The following TMEM178B variants were observed in gnomAD, a reference collection of about 807,000 sequenced individuals.
TMEM178B encodes the protein transmembrane protein 178B.
A neutral mutation model predicts 31.0 loss-of-function variants in TMEM178B; 5 were observed. That is an observed-to-expected ratio of 0.16 (90% CI 0.08 to 0.34). The LOEUF (loss-of-function observed/expected upper bound fraction) is 0.34. Ranked by LOEUF, TMEM178B falls within the 10% of genes least tolerant of loss-of-function variation. TMEM178B has a pLI of 1.00. For synonymous variants in TMEM178B, 164 were observed against 164.0 expected (o/e 1.00, Z 0.00); for missense variants, 275 against 400.3 (o/e 0.69, Z 2.67).
Position 141,474,181 on chromosome 7 carries a change from T to G in TMEM178B, c.*3395T>G, listed in dbSNP as rs924097542. Reference sequence around the variant, plus strand: ...TTGCAACTTTTATTTCCTTCCCTACTCTACTACCTTGAGATTCAGGAAAGT... The same window carrying G: ...TTGCAACTTTTATTTCCTTCCCTACGCTACTACCTTGAGATTCAGGAAAGT... On this transcript the variant is annotated 3_prime_UTR_variant, in exon 4 of 4. Coordinates refer to ENST00000565468, the MANE Select transcript of TMEM178B (RefSeq NM_001195278.2). 6.6e-6 allele frequency: 1 copy of G among 152,190 alleles called. No homozygotes were observed. Among genetic ancestry groups the G allele is most frequent in the Non-Finnish European group, 1.5e-5 (1 of 68,040 alleles). The allele number at this position is 152,190 out of a possible 1,614,324, so 9.4% of individuals were successfully genotyped here. A position where few individuals can be genotyped will look rare whatever the true frequency, so the allele number is the denominator to read the frequency against.
chr7:141,437,807 G>T lies in TMEM178B; in HGVS notation c.634+62G>T. Reference sequence around the variant, plus strand: ...CAGGGTCCTGTTTACCACAATTTGGGGAGAATGGCCAGAGGGCACAGCAGA... The same window carrying T: ...CAGGGTCCTGTTTACCACAATTTGGTGAGAATGGCCAGAGGGCACAGCAGA... On this transcript the variant is annotated intron_variant, in intron 3 of 3. Transcript: ENST00000565468. 1 of 1,530,934 alleles carries T rather than the reference G, an allele frequency of 6.5e-7. No homozygotes were observed. The highest frequency in any genetic ancestry group is 8.7e-7 in the Non-Finnish European group (1 of 1,143,230). The allele number at this position is 1,530,934 out of a possible 1,614,324, so 94.8% of individuals were successfully genotyped here. A position where few individuals can be genotyped will look rare whatever the true frequency, so the allele number is the denominator to read the frequency against.
intron 1 of TMEM178B, among the ~76,000 whole-genome samples, chr7:141,092,878 A>G (rs532405330): frequency 2.0e-5 from 3 of 152,282 alleles, no homozygotes; most frequent in East Asian, 1.9e-4. Context: ...GGAACTAGCT[A>G]TGGGGCTCTC....
intron 1 of TMEM178B, among the ~76,000 whole-genome samples, chr7:141,106,643 A>G (rs1040426748): frequency 6.6e-6 from 1 of 152,208 alleles, no homozygotes. Flanking sequence ...TAATTTGATA[A>G]ACACATTTGT....
At chr7:141,353,992 A>G (rs188491507) in intron 2 of TMEM178B, among the ~76,000 whole-genome samples, 2 of 152,340 alleles carry the variant, frequency 1.3e-5, no homozygotes, top group Non-Finnish European at 2.9e-5. Flanking sequence ...CTCATTAGCT[A>G]AACAAGAATA....
At chr7:141,100,020 CAT>C (rs1795028007) in intron 1 of TMEM178B, among the ~76,000 whole-genome samples, 1 of 151,982 alleles carries the variant, frequency 6.6e-6, no homozygotes, top group Non-Finnish European at 1.5e-5. Flanking sequence ...GGGGTTTCAC[CAT>C]GTTAGCCAGG....
intron 2 of TMEM178B, among the ~76,000 whole-genome samples, chr7:141,341,759 A>C (rs1188604595): frequency 6.6e-6 from 1 of 152,172 alleles, no homozygotes; most frequent in African/African-American, 2.4e-5. Flanking sequence ...AACTAGAAAA[A>C]AAAAAATTAT....
Position 141,171,990 on chromosome 7 carries a change from G to A in TMEM178B, c.383-40601G>A, listed in dbSNP as rs939308657. On this transcript the variant is annotated intron_variant, in intron 1 of 3. Transcript: ENST00000565468. This position sits in a 1 kb window ranked among gnomAD's most constrained non-coding sequence, Gnocchi z 4.3. ...TGCTGTGATTGCGACCATTTATTGT[G>A]TACTTACTATGAGACAGGCACCGTA... Among the ~76,000 whole-genome samples, 16 of 152,160 alleles carry A rather than the reference G, an allele frequency of 1.1e-4. No homozygotes were observed. Among genetic ancestry groups the A allele is most frequent in the Non-Finnish European group, 2.4e-4 (16 of 68,032 alleles).
intron 2 of TMEM178B, among the ~76,000 whole-genome samples, chr7:141,243,086 T>A (rs182002302): frequency 2.2e-4 from 33 of 152,306 alleles, no homozygotes; most frequent in African/African-American, 7.7e-4. Flanking sequence ...ACAGTTTAGA[T>A]TTTTCATTCA....
intron 1 of TMEM178B, among the ~76,000 whole-genome samples, chr7:141,112,099 G>A: frequency 6.6e-6 from 1 of 152,136 alleles, no homozygotes; most frequent in Admixed American, 6.5e-5. Context: ...ATATTAGCCT[G>A]TTCGCTGGTA....
chr7:141,211,207 G>A (rs1272713128), intron 1 of TMEM178B, among the ~76,000 whole-genome samples: 1 of 152,130 alleles, frequency 6.6e-6, no homozygotes, highest in African/African-American at 2.4e-5. Flanking sequence ...ATGCTTGTGG[G>A]CTAAAGGAAA....
chr7:141,185,722 T>C (rs1796599863), intron 1 of TMEM178B, among the ~76,000 whole-genome samples: 1 of 152,004 alleles, frequency 6.6e-6, no homozygotes, highest in South Asian at 2.1e-4. Context: ...ATGCAGCATT[T>C]GGGCAGACAA....
chr7:141,483,452 G>A (rs1034748302), downstream of TMEM178B, among the ~76,000 whole-genome samples: 1 of 152,124 alleles, frequency 6.6e-6, no homozygotes, highest in African/African-American at 2.4e-5. Context: ...AAGAGGCTGG[G>A]GACAGGGGGA....
intron 1 of TMEM178B, among the ~76,000 whole-genome samples, chr7:141,097,965 T>C (rs1794993443): frequency 6.6e-6 from 1 of 151,898 alleles, no homozygotes; most frequent in African/African-American, 2.4e-5. Context: ...CTAATTTTTG[T>C]ATTTTTTGTA....
intron 2 of TMEM178B, among the ~76,000 whole-genome samples, chr7:141,229,901 C>T (rs1797413886): frequency 6.6e-6 from 1 of 152,174 alleles, no homozygotes; most frequent in African/African-American, 2.4e-5. Context: ...CAAAAAGAGA[C>T]AAACTACTGT....
the TMEM178B span, among the ~76,000 whole-genome samples, chr7:141,487,375 C>T: frequency 1.3e-5 from 2 of 152,002 alleles, no homozygotes; most frequent in Non-Finnish European, 2.9e-5. Context: ...TGTATTAACA[C>T]GTGTTCTCCA....
At chr7:141,304,284 A>AG (rs1289386484) in intron 2 of TMEM178B, among the ~76,000 whole-genome samples, 1 of 152,084 alleles carries the variant, frequency 6.6e-6, no homozygotes, top group Non-Finnish European at 1.5e-5. Context: ...AGGAGAATGT[A>AG]GGGGTGGATG....
intron 2 of TMEM178B, among the ~76,000 whole-genome samples, chr7:141,215,337 A>ATTTTTTT (rs67571979): frequency 2.3e-4 from 33 of 141,532 alleles, no homozygotes; most frequent in South Asian, 6.6e-4. Context: ...TATTATTATT[A>ATTTTTTT]TTTTTTGAGA....
intron 2 of TMEM178B, among the ~76,000 whole-genome samples, chr7:141,273,195 A>G (rs934138268): frequency 3.9e-5 from 6 of 152,250 alleles, no homozygotes; most frequent in African/African-American, 1.2e-4. Context: ...GAAGCAGAGT[A>G]GTAGAATGAT....
At chr7:141,345,418 T>G (rs1375708949) in intron 2 of TMEM178B, among the ~76,000 whole-genome samples, 1 of 152,226 alleles carries the variant, frequency 6.6e-6, no homozygotes, top group African/African-American at 2.4e-5. Context: ...TATCTCCTTC[T>G]GCCTTGATTT....
Sources: allele counts gnomAD v4.1 joint callset (sites outside exome capture counted in the v4.1 genomes callset), GRCh38; gene constraint gnomAD v4.1.1; non-coding constraint Gnocchi (gnomAD v3.1); transcripts MANE v1.5; gene names NCBI Gene and HGNC (gene_info 2026-07-23, HGNC 2026-07-21).